The following HEY1 variants were observed in gnomAD, a reference collection of about 807,000 sequenced individuals.
The protein encoded by HEY1 is hes related family bHLH transcription factor with YRPW motif 1, also known as hairy/enhancer-of-split related with YRPW motif protein 1.
Under a neutral mutation model 28.7 loss-of-function variants are expected in HEY1, and 9 were observed. That is an observed-to-expected ratio of 0.31 (90% CI 0.19 to 0.55). The LOEUF (loss-of-function observed/expected upper bound fraction) is 0.55, where lower values mean the gene tolerates loss of function less well. HEY1 is among the 20% of genes least tolerant of loss of function. The probability of loss-of-function intolerance (pLI) is 0.93; values close to 1 mark genes in which losing one functional copy is unlikely to be tolerated. For synonymous variants in HEY1, 213 were observed against 175.6 expected (o/e 1.21, Z -1.68); for missense variants, 385 against 399.4 (o/e 0.96, Z 0.31).
chr8:79,767,677 G>A lies in HEY1; in HGVS notation c.-14C>T, dbSNP rs775857369. 1.3e-6 allele frequency: 2 copies of A among 1,580,862 alleles called. No individual in the cohort carries two copies. The highest frequency in any genetic ancestry group is 1.2e-5 in the South Asian group (1 of 86,300). ...AGCTCGCTTCATGCTGGCTCCCTGG[G>A]GGTTCCTGGGGAGGGTCGGCGCGGC... On this transcript the variant is annotated 5_prime_UTR_variant, in exon 1 of 5. Transcript: ENST00000354724.
rs1807767739 is a variant in HEY1, at chr8:79,764,066, C to G, written c.*1122G>C. Reference sequence around the variant, plus strand: ...ACACATCAGTACAACAGAGGTCAAACCCAGTTCAGTGGAGGTCGTTTAACT... The same window carrying G: ...ACACATCAGTACAACAGAGGTCAAAGCCAGTTCAGTGGAGGTCGTTTAACT... On this transcript the variant is annotated 3_prime_UTR_variant, in exon 5 of 5. Coordinates refer to ENST00000354724, the MANE Select transcript of HEY1 (RefSeq NM_012258.4). 5.4e-6 allele frequency: 1 copy of G among 185,152 alleles called. No individual in the cohort carries two copies. The highest frequency in any genetic ancestry group is 8.8e-5 in the East Asian group (1 of 11,378). 11.5% of individuals were successfully genotyped at this position (185,152 alleles called of 1,614,324 possible).
At position 79,764,586 on chromosome 8, in the gene HEY1, T is replaced by C. The variant is rs1225435051; in HGVS notation, c.*602A>G. 1.3e-5 allele frequency: 3 copies of C among 225,638 alleles called. No homozygotes were observed. The highest frequency in any genetic ancestry group is 6.7e-5 in the African/African-American group (3 of 44,898). 14.0% of individuals were successfully genotyped at this position (225,638 alleles called of 1,614,324 possible). A position where few individuals can be genotyped will look rare whatever the true frequency, so the allele number is the denominator to read the frequency against. On this transcript the variant is annotated 3_prime_UTR_variant, in exon 5 of 5. Transcript: ENST00000354724. ...AGTTTGTACATTCACCTTTCTGCTATAGGAGGCAGACAATTTACTAGTCTT... is the reference window on the plus strand; with the variant it reads ...AGTTTGTACATTCACCTTTCTGCTACAGGAGGCAGACAATTTACTAGTCTT...
intron 4 of HEY1, 89 bp from the exon 5 acceptor site, chr8:79,765,860 C>T: frequency 8.8e-7 from 1 of 1,131,892 alleles, no homozygotes; most frequent in East Asian, 2.4e-5. Flanking sequence ...TGGCAGATAC[C>T]TGCATCCCTT....
At chr8:79,766,375 A>C (rs1807837362) in intron 4 of HEY1, 3 of 1,464,024 alleles carry the variant, frequency 2.0e-6, no homozygotes, top group African/African-American at 2.8e-5. Flanking sequence ...ACCTGATCTG[A>C]ATCAGGGCTG....
Position 79,767,446 on chromosome 8 carries a change from G to T in HEY1, c.89+129C>A, listed in dbSNP as rs939285446. 1.1e-5 allele frequency: 12 copies of T among 1,139,388 alleles called. No homozygotes were observed. The African/African-American group carries it at 1.4e-4, about 13-fold the overall frequency. 70.6% of individuals were successfully genotyped at this position (1,139,388 alleles called of 1,614,324 possible). On this transcript the variant is annotated intron_variant, in intron 1 of 4. Coordinates refer to ENST00000354724, the MANE Select transcript of HEY1 (RefSeq NM_012258.4). ...AGGGGTTCCCTGGCCGCAGGCTGCC[G>T]CCAGCCTGCGACGCGCGGAGGTCAG... is the stretch of plus-strand genomic sequence containing the variant.
At chr8:79,765,888 G>A (rs1420690730) in intron 4 of HEY1, 117 bp from the exon 5 acceptor site, 1 of 883,496 alleles carries the variant, frequency 1.1e-6, no homozygotes. Flanking sequence ...AACAGTCAGG[G>A]GTTCTTCCGA....
chr8:79,765,921 T>A (rs1031253586), intron 4 of HEY1, 150 bp from the exon 5 acceptor site: 4 of 758,228 alleles, frequency 5.3e-6, no homozygotes, highest in Non-Finnish European at 8.3e-6. Context: ...TCAACAAAAA[T>A]CTTTGCATTA....
Position 79,764,592 on chromosome 8 carries a change from GCAGA to G in HEY1, c.*592_*595del, listed in dbSNP as rs1267412035. 1 of 224,734 alleles carries G rather than the reference GCAGA, an allele frequency of 4.4e-6. No individual in the cohort carries two copies. Among genetic ancestry groups the G allele is most frequent in the African/African-American group, 2.2e-5 (1 of 44,814 alleles). 13.9% of individuals were successfully genotyped at this position (224,734 alleles called of 1,614,324 possible). ...TACATTCACCTTTCTGCTATAGGAG[GCAGA>G]CAATTTACTAGTCTTCTTTCTTGGA... On this transcript the variant is annotated 3_prime_UTR_variant, in exon 5 of 5. Transcript: ENST00000354724.
rs1305797091 is a variant in HEY1, at chr8:79,765,098, A to C, written c.*90T>G. ...CTGAAAGTGTACCTTTTTCCTTTTT[A>C]CTTTTACTGACGACTTTAAGGTGAT... On this transcript the variant is annotated 3_prime_UTR_variant, in exon 5 of 5. Coordinates refer to ENST00000354724, the MANE Select transcript of HEY1 (RefSeq NM_012258.4). 4.9e-6 allele frequency: 4 copies of C among 816,174 alleles called. No homozygotes were observed. The highest frequency in any genetic ancestry group is 1.7e-5 in the African/African-American group (1 of 57,340). The allele number at this position is 816,174 out of a possible 1,614,324, so 50.6% of individuals were successfully genotyped here. A position where few individuals can be genotyped will look rare whatever the true frequency, so the allele number is the denominator to read the frequency against.
chr8:79,767,137 T>C, intron 2 of HEY1, 45 bp from the exon 3 acceptor site: 7 of 1,588,990 alleles, frequency 4.4e-6, no homozygotes, highest in South Asian at 2.2e-5. Flanking sequence ...CCATTACGAC[T>C]GTAAATTTCA....
Position 79,765,377 on chromosome 8 carries a change from A to G in HEY1, c.726T>C (p.Pro242=), listed in dbSNP as rs572139345. 6.9e-6 allele frequency: 11 copies of G among 1,595,606 alleles called. No individual in the cohort carries two copies. The African/African-American group carries it at 1.1e-4, about 16-fold the overall frequency. The change falls in exon 5 of 5, where the codon CCT becomes CCC. Residue 242 remains proline (P), a synonymous_variant. Coordinates refer to ENST00000354724, the MANE Select transcript of HEY1 (RefSeq NM_012258.4). The stretch of plus-strand genomic sequence containing the variant: ...ACAGTTTGGAGGCGGAGGTGACCAC[A>G]GGGAGCACCGGTCCGAGGCTGCCGC... ...PPSGSLGPVL[P]VVTSASKLSP...
intron 4 of HEY1, 64 bp from the exon 5 acceptor site, chr8:79,765,835 A>G: frequency 7.1e-7 from 1 of 1,405,020 alleles, no homozygotes. Flanking sequence ...CTTAAGTCCC[A>G]GAGACAGCCC....
Position 79,765,520 on chromosome 8 carries a change from A to G in HEY1, c.583T>C (p.Leu195=). 6.2e-7 allele frequency: 1 copy of G among 1,613,814 alleles called. No individual in the cohort carries two copies. The highest frequency in any genetic ancestry group is 8.5e-7 in the Non-Finnish European group (1 of 1,179,934). The part of the protein sequence containing the change: ...GHHPHIAHPL[L]LPQNGHGNAG... ...TTCCCGTGGCCGTTCTGGGGCAGCA[A>G]CAGCGGGTGCGCGATGTGCGGGTGA... The change falls in exon 5 of 5, where the codon TTG becomes CTG. Residue 195 remains leucine (L), a synonymous_variant. Coordinates refer to ENST00000354724, the MANE Select transcript of HEY1 (RefSeq NM_012258.4).
chr8:79,767,187 C>A, intron 2 of HEY1, 32 bp downstream of exon 2: 1 of 1,596,258 alleles, frequency 6.3e-7, no homozygotes, highest in Non-Finnish European at 8.6e-7. Context: ...TAATCAATAA[C>A]AAAAATAAAA....
chr8:79,765,021 A>T lies in HEY1; in HGVS notation c.*167T>A, dbSNP rs1297213244. On this transcript the variant is annotated 3_prime_UTR_variant, in exon 5 of 5. Coordinates refer to ENST00000354724, the MANE Select transcript of HEY1 (RefSeq NM_012258.4). ...TACATGACATGATGAAAAAAACATTAAAAAAGATAAAAGTAAACCAACAAA... is the reference window on the plus strand; with the variant it reads ...TACATGACATGATGAAAAAAACATTTAAAAAGATAAAAGTAAACCAACAAA... The T allele has an allele frequency of 5.6e-6, 3 of 540,452 alleles. No individual in the cohort carries two copies. The highest frequency in any genetic ancestry group is 9.7e-6 in the Non-Finnish European group (3 of 308,804). The allele number at this position is 540,452 out of a possible 1,614,324, so 33.5% of individuals were successfully genotyped here. A position where few individuals can be genotyped will look rare whatever the true frequency, so the allele number is the denominator to read the frequency against.
Position 79,766,724 on chromosome 8 carries a change from A to G in HEY1, c.258T>C (p.Ala86=), listed in dbSNP as rs1459398374. ...VPSAFEKQGS[A]KLEKAEILQM... Reference sequence around the variant, plus strand: ...GCAGGATCTCGGCTTTTTCTAGCTTAGCAGATCCCTAAAGATGAGAATGGC... The same window carrying G: ...GCAGGATCTCGGCTTTTTCTAGCTTGGCAGATCCCTAAAGATGAGAATGGC... Residue 86 remains alanine (A), a synonymous_variant, in exon 4 of 5, where the codon GCT becomes GCC. Transcript: ENST00000354724. 6.2e-7 allele frequency: 1 copy of G among 1,614,200 alleles called. No homozygotes were observed. Among genetic ancestry groups the G allele is most frequent in the South Asian group, 1.1e-5 (1 of 91,088 alleles).
intron 1 of HEY1, 95 bp downstream of exon 1, chr8:79,767,480 A>C (rs1807875241): frequency 2.3e-6 from 3 of 1,290,576 alleles, no homozygotes; most frequent in African/African-American, 2.9e-5. Flanking sequence ...AGCGCAGGGC[A>C]CCGGCGCGCC....
intron 3 of HEY1, 66 bp from the exon 4 acceptor site, chr8:79,766,798 C>T: frequency 1.3e-6 from 2 of 1,504,592 alleles, no homozygotes; most frequent in Non-Finnish European, 1.8e-6. Context: ...TTAAAATATG[C>T]AAACATATAT....
chr8:79,765,830 G>T, intron 4 of HEY1, 59 bp from the exon 5 acceptor site: 1 of 1,454,732 alleles, frequency 6.9e-7, no homozygotes, highest in Non-Finnish European at 9.3e-7. Flanking sequence ...CATTTCTTAA[G>T]TCCCAGAGAC....
Sources: allele counts gnomAD v4.1 joint callset, GRCh38; gene constraint gnomAD v4.1.1; transcripts MANE v1.5; gene names NCBI Gene and HGNC (gene_info 2026-07-23, HGNC 2026-07-21).